Variants in GPC5 observed in about 807,000 individuals in gnomAD.
GPC5 encodes the protein glypican-5.
A neutral mutation model predicts 53.9 loss-of-function variants in GPC5; 47 were observed. The ratio of observed to expected loss-of-function variants is 0.87; its 90% CI spans 0.69 to 1.11. The LOEUF is 1.11. Among genes scored for constraint, GPC5 ranks in the 50% most tolerant of loss-of-function variants. The pLI is 0.00. For synonymous variants in GPC5, 286 were observed against 263.3 expected, an observed-to-expected ratio of 1.09 and a Z score of -0.84; for missense variants, 748 against 713.1, an observed-to-expected ratio of 1.05 and a Z score of -0.56.
At position 91,875,426 on chromosome 13, in the gene GPC5, A is replaced by G. The variant is rs192236475; in HGVS notation, c.1281-32511A>G. Among the ~76,000 whole-genome samples, 477 of 152,364 alleles carry G rather than the reference A, an allele frequency of 3.1e-3. 1 individual carries two copies. The highest frequency in any genetic ancestry group is 5.4e-3 in the Non-Finnish European group (367 of 68,032). ...ATATTTTTGTTTTAATCAAGAGAATAAAAAATAAGAACTGAGATTTTAGAA... is the reference window on the plus strand; with the variant it reads ...ATATTTTTGTTTTAATCAAGAGAATGAAAAATAAGAACTGAGATTTTAGAA... On this transcript the variant is annotated intron_variant, in intron 5 of 7. Transcript: ENST00000377067.
At chr13:92,266,212 T>C (rs61966572) in intron 7 of GPC5, among the ~76,000 whole-genome samples, 3,234 of 152,308 alleles carry the variant, frequency 0.021, 52 homozygotes, top group Non-Finnish European at 0.035. Context: ...CTTTTTTCTT[T>C]ATCTTTGTTT....
At chr13:92,007,583 C>T (rs773301839) in intron 6 of GPC5, among the ~76,000 whole-genome samples, 1 of 152,012 alleles carries the variant, frequency 6.6e-6, no homozygotes, top group African/African-American at 2.4e-5. Flanking sequence ...AGATTTATCT[C>T]GGTCTTTATA....
intron 6 of GPC5, among the ~76,000 whole-genome samples, chr13:91,982,835 G>A (rs940496662): frequency 2.6e-5 from 4 of 152,118 alleles, no homozygotes; most frequent in Admixed American, 2.6e-4. Context: ...TAGAGTTCCT[G>A]GCTTTTCATT....
intron 7 of GPC5, among the ~76,000 whole-genome samples, chr13:92,304,309 A>T (rs931646072): frequency 6.6e-6 from 1 of 150,570 alleles, no homozygotes; most frequent in South Asian, 2.1e-4. Flanking sequence ...GGTTCACATC[A>T]TTCTCCTGCC....
chr13:91,608,260 T>C (rs2033437388), intron 2 of GPC5, among the ~76,000 whole-genome samples: 1 of 152,182 alleles, frequency 6.6e-6, no homozygotes, highest in African/African-American at 2.4e-5. Flanking sequence ...TATAACAATA[T>C]AGTAATAGAT....
At chr13:92,127,343 C>A (rs1174573480) in intron 6 of GPC5, among the ~76,000 whole-genome samples, 3 of 149,568 alleles carry the variant, frequency 2.0e-5, no homozygotes, top group Non-Finnish European at 4.4e-5. Context: ...ATATATATAT[C>A]AAAAGATGCT....
At chr13:91,514,222 A>G (rs1215101801) in intron 2 of GPC5, among the ~76,000 whole-genome samples, 1 of 152,162 alleles carries the variant, frequency 6.6e-6, no homozygotes, top group Non-Finnish European at 1.5e-5. Context: ...AGAAATTACA[A>G]ATTTTTTTCC....
intron 2 of GPC5, among the ~76,000 whole-genome samples, chr13:91,640,351 A>G (rs1451818746): frequency 6.6e-6 from 1 of 152,210 alleles, no homozygotes; most frequent in Non-Finnish European, 1.5e-5. Flanking sequence ...AAAAGAAGAC[A>G]TTCATGTGGC....
intron 7 of GPC5, among the ~76,000 whole-genome samples, chr13:92,421,304 C>T (rs1566582961): frequency 6.6e-6 from 1 of 152,178 alleles, no homozygotes; most frequent in Admixed American, 6.5e-5. Context: ...GGAACATGGA[C>T]TGTGACTCTA....
At chr13:92,223,096 A>T (rs2139090348) in intron 7 of GPC5, among the ~76,000 whole-genome samples, 2 of 152,252 alleles carry the variant, frequency 1.3e-5, no homozygotes, top group Non-Finnish European at 2.9e-5. Flanking sequence ...TTTTACAGGA[A>T]ATGTGACAAT....
intron 7 of GPC5, among the ~76,000 whole-genome samples, chr13:92,392,737 G>A (rs898583068): frequency 3.3e-5 from 5 of 152,132 alleles, no homozygotes; most frequent in African/African-American, 1.2e-4. Flanking sequence ...AGTGGGCAAA[G>A]GACAGGAACA....
intron 5 of GPC5, among the ~76,000 whole-genome samples, chr13:91,824,916 AATTTT>A (rs761898753): frequency 2.0e-5 from 3 of 152,102 alleles, no homozygotes; most frequent in Non-Finnish European, 4.4e-5. Flanking sequence ...TTCTGACTGC[AATTTT>A]ATGTTATTTC....
At chr13:91,425,929 T>G (rs1203521302) in intron 1 of GPC5, among the ~76,000 whole-genome samples, 2 of 152,094 alleles carry the variant, frequency 1.3e-5, no homozygotes, top group African/African-American at 4.8e-5. Flanking sequence ...TAAGGTGGTC[T>G]TAGATGGAGA....
At chr13:92,125,671 G>A (rs1031421963) in intron 6 of GPC5, among the ~76,000 whole-genome samples, 5 of 152,054 alleles carry the variant, frequency 3.3e-5, no homozygotes, top group Admixed American at 6.5e-5. Flanking sequence ...TATTATTTAA[G>A]CATTGATTTA....
intron 1 of GPC5, among the ~76,000 whole-genome samples, chr13:91,423,186 A>G (rs1487062839): frequency 6.6e-6 from 1 of 152,222 alleles, no homozygotes; most frequent in African/African-American, 2.4e-5. Flanking sequence ...GAAATATAGA[A>G]GACACATTAC....
chr13:92,450,675 T>C (rs1415360913), intron 7 of GPC5, among the ~76,000 whole-genome samples: 1 of 152,212 alleles, frequency 6.6e-6, no homozygotes, highest in Non-Finnish European at 1.5e-5. Context: ...CATGTAACAC[T>C]GAACACTTGA....
chr13:92,167,416 A>C (rs117165881), intron 7 of GPC5, among the ~76,000 whole-genome samples: 3,427 of 152,322 alleles, frequency 0.022, 48 homozygotes, highest in Non-Finnish European at 0.028. Flanking sequence ...CAGGGTTTTA[A>C]AATGAAATGA....
At chr13:92,700,916 G>A (rs1027221803) in intron 7 of GPC5, among the ~76,000 whole-genome samples, 1 of 151,988 alleles carries the variant, frequency 6.6e-6, no homozygotes, top group Non-Finnish European at 1.5e-5. Flanking sequence ...TCTTCTTCAG[G>A]TTACAGGTAT....
chr13:92,034,688 T>A (rs1055304144), intron 6 of GPC5, among the ~76,000 whole-genome samples: 1 of 152,212 alleles, frequency 6.6e-6, no homozygotes, highest in Non-Finnish European at 1.5e-5. Context: ...TTTTATTTCA[T>A]GTCCTCTCCT....
Sources: allele counts gnomAD v4.1 joint callset (sites outside exome capture counted in the v4.1 genomes callset), GRCh38; gene constraint gnomAD v4.1.1; transcripts MANE v1.5; gene names NCBI Gene and HGNC (gene_info 2026-07-23, HGNC 2026-07-21).